Variants in EVI5 observed in about 807,000 individuals in gnomAD.
The protein encoded by EVI5 is ecotropic viral integration site 5.
EVI5 carries 73 observed loss-of-function variants against 112.0 expected under a neutral mutation model. That is an observed-to-expected ratio of 0.65 (90% CI 0.54 to 0.79). EVI5 has a LOEUF of 0.79. EVI5 is among the 30% of genes least tolerant of loss of function. The pLI is 0.00. For synonymous variants in EVI5, 305 were observed against 319.9 expected, an observed-to-expected ratio of 0.95 and a Z score of 0.50; for missense variants, 900 against 968.8, an observed-to-expected ratio of 0.93 and a Z score of 0.94.
intron 14 of EVI5, among the ~76,000 whole-genome samples, chr1:92,630,682 A>G (rs1041473404): frequency 2.6e-5 from 4 of 151,890 alleles, no homozygotes; most frequent in African/African-American, 9.7e-5. Flanking sequence ...ATTAGATCCC[A>G]TTTGTCAATT....
chr1:92,563,720 A>G lies in EVI5; in HGVS notation c.2088T>C (p.Leu696=). Residue 696 remains leucine (L), a synonymous_variant, in exon 19 of 20, where the codon CTT becomes CTC. Coordinates refer to ENST00000684568, the MANE Select transcript of EVI5 (RefSeq NM_001350197.2). ...ELEIQKEEGK[L]QGQLNKSDSN... ...AATCAGACTTGTTAAGCTGTCCTTG[A>G]AGCTTTCCTTCTTCTTTCTGTTTTG... 1 of 1,605,842 alleles carries G rather than the reference A, an allele frequency of 6.2e-7. No homozygotes were observed. Among genetic ancestry groups the G allele is most frequent in the Non-Finnish European group, 8.5e-7 (1 of 1,174,826 alleles).
chr1:92,583,740 T>A (rs1364174969), intron 18 of EVI5, among the ~76,000 whole-genome samples: 1 of 151,272 alleles, frequency 6.6e-6, no homozygotes, highest in Non-Finnish European at 1.5e-5. Context: ...TCTCTTTTTT[T>A]TTTTTTTTAC....
intron 2 of EVI5, among the ~76,000 whole-genome samples, chr1:92,713,533 TG>T (rs924179229): frequency 3.0e-4 from 45 of 152,246 alleles, no homozygotes; most frequent in African/African-American, 1.0e-3. Context: ...CCCAGCACTT[TG>T]GGAGGCTGAA....
intron 19 of EVI5, among the ~76,000 whole-genome samples, chr1:92,557,872 G>A (rs977508909): frequency 5.3e-5 from 8 of 150,564 alleles, no homozygotes; most frequent in African/African-American, 1.7e-4. Flanking sequence ...CTACAGGCGC[G>A]CACCACCACG....
intron 16 of EVI5, among the ~76,000 whole-genome samples, chr1:92,623,915 C>A (rs1293096898): frequency 6.6e-6 from 1 of 152,200 alleles, no homozygotes; most frequent in Non-Finnish European, 1.5e-5. Flanking sequence ...AGTCATGCAA[C>A]AGGGCAATGC....
At chr1:92,633,754 G>T (rs539535816) in intron 14 of EVI5, among the ~76,000 whole-genome samples, 6 of 151,976 alleles carry the variant, frequency 3.9e-5, no homozygotes, top group Non-Finnish European at 8.8e-5. Flanking sequence ...GCTCGTTAGT[G>T]GAAGCAGTTT....
intron 18 of EVI5, among the ~76,000 whole-genome samples, chr1:92,581,467 T>C (rs972137810): frequency 3.3e-5 from 5 of 152,240 alleles, no homozygotes; most frequent in African/African-American, 1.2e-4. Flanking sequence ...GAAGATTACA[T>C]ACTCATTTTC....
intron 19 of EVI5, among the ~76,000 whole-genome samples, chr1:92,540,822 C>A (rs1173441976): frequency 6.6e-6 from 1 of 152,112 alleles, no homozygotes; most frequent in Non-Finnish European, 1.5e-5. Flanking sequence ...GTCTGTAATC[C>A]CAGCACTTTG....
At chr1:92,594,230 G>A (rs572053604) in intron 18 of EVI5, among the ~76,000 whole-genome samples, 1 of 152,194 alleles carries the variant, frequency 6.6e-6, no homozygotes, top group East Asian at 1.9e-4. Context: ...ATAGATTAAT[G>A]GAACAGAACA....
chr1:92,657,340 T>C (rs1299142830), intron 13 of EVI5, among the ~76,000 whole-genome samples: 1 of 152,094 alleles, frequency 6.6e-6, no homozygotes, highest in African/African-American at 2.4e-5. Flanking sequence ...CCCTTCATGA[T>C]TAAAAACAGA....
At chr1:92,640,985 C>T (rs921288235) in intron 13 of EVI5, among the ~76,000 whole-genome samples, 4 of 151,964 alleles carry the variant, frequency 2.6e-5, no homozygotes, top group African/African-American at 7.3e-5. Context: ...TACCAAACAC[C>T]GTATGTTCTC....
chr1:92,777,655 G>A (rs1684326452), intron 1 of EVI5, among the ~76,000 whole-genome samples: 2 of 152,162 alleles, frequency 1.3e-5, no homozygotes, highest in African/African-American at 4.8e-5. Context: ...ATGGAGGACA[G>A]GTGGCAACAA....
chr1:92,571,918 C>T (rs1301610328), intron 18 of EVI5, among the ~76,000 whole-genome samples: 2 of 152,098 alleles, frequency 1.3e-5, no homozygotes, highest in African/African-American at 4.8e-5. Flanking sequence ...GAAAAAGACG[C>T]CCAACATATC....
intron 19 of EVI5, among the ~76,000 whole-genome samples, chr1:92,531,252 GAAAC>G (rs140139063): frequency 0.61 from 92,074 of 150,736 alleles, 28,866 homozygotes; most frequent in East Asian, 0.92. Context: ...AGAGTGAAAA[GAAAC>G]AAACAAAGCC....
intron 12 of EVI5, 88 bp from the exon 13 acceptor site, chr1:92,662,953 A>G (rs1664269824): frequency 2.1e-6 from 1 of 476,052 alleles, no homozygotes; most frequent in Admixed American, 1.5e-4. Context: ...TTACTTTGAC[A>G]TGTTAAAAAA....
intron 6 of EVI5, 128 bp downstream of exon 6, chr1:92,697,732 T>C (rs1670531247): frequency 1.3e-6 from 1 of 746,632 alleles, no homozygotes; most frequent in Non-Finnish European, 2.2e-6. Flanking sequence ...AAAACAATCA[T>C]GTAATTAAAA....
intron 2 of EVI5, among the ~76,000 whole-genome samples, chr1:92,711,170 CTCTTT>C (rs1274730023): frequency 1.3e-5 from 2 of 152,126 alleles, no homozygotes; most frequent in Non-Finnish European, 2.9e-5. Context: ...AGAATGAGTT[CTCTTT>C]TGAGTATTTG....
chr1:92,647,801 G>A (rs1456414604), intron 13 of EVI5, among the ~76,000 whole-genome samples: 3 of 151,616 alleles, frequency 2.0e-5, no homozygotes, highest in South Asian at 2.1e-4. Context: ...GTGCAGTGGC[G>A]CAATCTTAGC....
At chr1:92,578,387 G>T (rs186710671) in intron 18 of EVI5, among the ~76,000 whole-genome samples, 11 of 152,100 alleles carry the variant, frequency 7.2e-5, no homozygotes, top group African/African-American at 2.7e-4. Flanking sequence ...CCTCATAGGT[G>T]GCTTGAACTG....
Sources: gnomAD v4.1 joint callset for allele counts (sites outside exome capture counted in the v4.1 genomes callset) on GRCh38, gnomAD v4.1.1 for gene constraint, MANE v1.5 for transcripts, NCBI Gene and HGNC (gene_info 2026-07-23, HGNC 2026-07-21) for gene names.